CLEC16A: variants seen among roughly 807,000 people sequenced by gnomAD.
CLEC16A encodes the protein protein CLEC16A.
CLEC16A carries 51 observed loss-of-function variants against 109.5 expected under a neutral mutation model. The ratio of observed to expected loss-of-function variants is 0.47; its 90% confidence interval spans 0.37 to 0.59. CLEC16A has a LOEUF of 0.59. CLEC16A is among the 20% of genes least tolerant of loss of function. The probability of loss-of-function intolerance (pLI) is 0.00; values close to 1 mark genes in which losing one functional copy is unlikely to be tolerated. For synonymous variants in CLEC16A, 673 were observed against 564.2 expected (o/e 1.19, Z -2.73); for missense variants, 1,339 against 1,394.0 (o/e 0.96, Z 0.63).
intron 11 of CLEC16A, among the ~76,000 whole-genome samples, chr16:11,006,603 T>G (rs1196871315): frequency 6.6e-6 from 1 of 152,156 alleles, no homozygotes; most frequent in African/African-American, 2.4e-5. Context: ...GTAGTGAAAT[T>G]TTGACTTTAA....
intron 23 of CLEC16A, among the ~76,000 whole-genome samples, chr16:11,170,512 G>C (rs1040938900): frequency 6.6e-6 from 1 of 152,158 alleles, no homozygotes; most frequent in African/African-American, 2.4e-5. Context: ...TCACCTTCCC[G>C]TGGGGACCTC....
rs2068646786 is a variant in CLEC16A, at chr16:11,174,174, CGCCGACGAGTGTTCAGCCTGTCGGAG to C, written c.2807-4154_2807-4129del. ...TCTAGTCAGGAGTGGCAGGAAAGGA[CGCCGACGAGTGTTCAGCCTGTCGGAG>C]GCCGACAGTCATGGCGGCCACTGGG... On this transcript the variant is annotated intron_variant, in intron 23 of 23. Transcript: ENST00000409790. This position sits in a 1 kb window ranked among gnomAD's most constrained non-coding sequence, Gnocchi z 4.7. The C allele has an allele frequency of 1.3e-5, 6 of 469,814 alleles. No homozygotes were observed. The highest frequency in any genetic ancestry group is 2.6e-5 in the Non-Finnish European group (6 of 226,870). The allele number at this position is 469,814 out of a possible 1,614,324, so 29.1% of individuals were successfully genotyped here. A position where few individuals can be genotyped will look rare whatever the true frequency, so the allele number is the denominator to read the frequency against.
At chr16:11,034,194 A>C (rs2046898710) in intron 13 of CLEC16A, among the ~76,000 whole-genome samples, 1 of 152,228 alleles carries the variant, frequency 6.6e-6, no homozygotes, top group East Asian at 1.9e-4. Flanking sequence ...CTTGGCTGAC[A>C]CATAACCAGA....
intron 22 of CLEC16A, among the ~76,000 whole-genome samples, chr16:11,161,643 A>G (rs1312029527): frequency 6.6e-6 from 1 of 152,232 alleles, no homozygotes; most frequent in Non-Finnish European, 1.5e-5. Flanking sequence ...CTAGGCATAA[A>G]GAGCAGAGAT....
rs145244239 is a variant in CLEC16A at position 11,109,610 on chromosome 16, G to A, written c.2117-11005G>A. On this transcript the variant is annotated intron_variant, in intron 19 of 23. Coordinates refer to ENST00000409790, the MANE Select transcript of CLEC16A (RefSeq NM_015226.3). Reference sequence around the variant, plus strand: ...CCCCTCACTAATCCCTGGTACCAGCGCAGACTCGGGAATAGAAACAAGTCA... The same window carrying A: ...CCCCTCACTAATCCCTGGTACCAGCACAGACTCGGGAATAGAAACAAGTCA... 3.3e-3 allele frequency among the ~76,000 whole-genome samples: 497 copies of A among 152,268 alleles called. 1 individual carries two copies. The highest frequency in any genetic ancestry group is 0.011 in the African/African-American group (475 of 41,530).
Position 11,126,151 on chromosome 16 carries a change from G to A in CLEC16A, c.2641+5G>A. 6.2e-7 allele frequency: 1 copy of A among 1,613,674 alleles called. No individual in the cohort carries two copies. The highest frequency in any genetic ancestry group is 8.5e-7 in the Non-Finnish European group (1 of 1,179,852). ...CATCGGTGGACAAGGTGCCAGGTGA[G>A]CCAGCCCCCCGCCCTGCGCCACAGC... On this transcript the variant is annotated splice_donor_5th_base_variant and intron_variant, in intron 22 of 23. Coordinates refer to ENST00000409790, the MANE Select transcript of CLEC16A (RefSeq NM_015226.3).
chr16:11,032,501 C>T (rs535174838), intron 13 of CLEC16A, among the ~76,000 whole-genome samples: 2 of 152,356 alleles, frequency 1.3e-5, no homozygotes, highest in East Asian at 1.9e-4. Context: ...CCGTCATAGG[C>T]ACTCAAACAA....
chr16:11,082,710 G>A (rs1029135521), intron 19 of CLEC16A, among the ~76,000 whole-genome samples: 3 of 152,216 alleles, frequency 2.0e-5, no homozygotes, highest in African/African-American at 7.2e-5. Flanking sequence ...GGAAAGGAAC[G>A]CTTTCTTCCT....
At chr16:11,062,737 G>A (rs1338946675) in intron 19 of CLEC16A, among the ~76,000 whole-genome samples, 4 of 152,136 alleles carry the variant, frequency 2.6e-5, no homozygotes, top group Non-Finnish European at 4.4e-5. Flanking sequence ...CAGCTGTGAC[G>A]CCTCTCTGCC....
intron 19 of CLEC16A, among the ~76,000 whole-genome samples, chr16:11,091,033 C>A (rs1374944324): frequency 1.3e-5 from 2 of 152,084 alleles, no homozygotes; most frequent in Non-Finnish European, 2.9e-5. Context: ...CTTCTGGGCT[C>A]AAGCACCCCG....
intron 11 of CLEC16A, 123 bp downstream of exon 11, chr16:11,003,428 T>C: frequency 1.4e-6 from 1 of 734,034 alleles, no homozygotes. Context: ...GTGATTCGAT[T>C]CCTACCTCAC....
intron 19 of CLEC16A, among the ~76,000 whole-genome samples, chr16:11,112,311 G>T (rs748381873): frequency 3.3e-5 from 5 of 152,108 alleles, no homozygotes; most frequent in Admixed American, 6.6e-5. Flanking sequence ...GTTAAAATGG[G>T]AACCTAGGAA....
chr16:10,972,902 A>T (rs370420659), intron 6 of CLEC16A, 36 bp from the exon 7 acceptor site: 5 of 1,533,942 alleles, frequency 3.3e-6, no homozygotes, highest in Non-Finnish European at 8.7e-7. Flanking sequence ...TATTTTTGGT[A>T]GCTTGACTTT....
intron 19 of CLEC16A, among the ~76,000 whole-genome samples, chr16:11,072,074 A>G (rs758878835): frequency 1.3e-5 from 2 of 152,048 alleles, no homozygotes; most frequent in African/African-American, 2.4e-5. Context: ...AATGCAGCCC[A>G]CTGTCAACAA....
intron 23 of CLEC16A, among the ~76,000 whole-genome samples, chr16:11,169,917 A>G (rs940335662): frequency 1.2e-4 from 19 of 152,268 alleles, no homozygotes; most frequent in African/African-American, 4.3e-4. Flanking sequence ...GGCACTTCAC[A>G]GATGTCCCCT....
intron 11 of CLEC16A, among the ~76,000 whole-genome samples, chr16:11,006,677 C>G (rs184149718): frequency 2.0e-5 from 3 of 152,256 alleles, no homozygotes; most frequent in Admixed American, 2.0e-4. Context: ...TGCCATGACC[C>G]AATTTGGATA....
At chr16:11,062,352 T>A (rs928631261) in intron 19 of CLEC16A, among the ~76,000 whole-genome samples, 2 of 152,216 alleles carry the variant, frequency 1.3e-5, no homozygotes, top group Non-Finnish European at 2.9e-5. Flanking sequence ...TAGTGTATAA[T>A]TCAATGAGTT....
intron 7 of CLEC16A, among the ~76,000 whole-genome samples, chr16:10,976,793 A>G (rs1278549349): frequency 6.7e-6 from 1 of 150,106 alleles, no homozygotes. Context: ...TCTTTGCTCT[A>G]TGTCTGCATG....
At chr16:11,126,395 C>T (rs1311554476) in intron 22 of CLEC16A, 3 of 1,432,928 alleles carry the variant, frequency 2.1e-6, no homozygotes, top group Non-Finnish European at 2.7e-6. Flanking sequence ...AAGAACTTCT[C>T]AGAATTGACT....
Sources: gnomAD v4.1 joint callset for allele counts (sites outside exome capture counted in the v4.1 genomes callset) on GRCh38, gnomAD v4.1.1 for gene constraint, Gnocchi (gnomAD v3.1) non-coding constraint, MANE v1.5 for transcripts, NCBI Gene and HGNC (gene_info 2026-07-23, HGNC 2026-07-21) for gene names.